The following PALD1 variants were observed in gnomAD, a reference collection of about 807,000 sequenced individuals.
PALD1 encodes phosphatase domain containing paladin 1.
Under a neutral mutation model 96.0 loss-of-function variants are expected in PALD1, and 57 were observed. The ratio of observed to expected loss-of-function variants is 0.59; its 90% CI spans 0.48 to 0.74. The LOEUF is 0.74. PALD1 is among the 30% of genes least tolerant of loss of function. The pLI, the probability that PALD1 is intolerant of heterozygous loss-of-function variation, is 0.00. For missense variants in PALD1, 1,063 were observed against 1,143.7 expected (o/e 0.93, Z 1.02); for synonymous variants, 464 against 473.6 (o/e 0.98, Z 0.26).
chr10:70,550,477 C>T (rs1400522337), intron 18 of PALD1, among the ~76,000 whole-genome samples: 6 of 152,158 alleles, frequency 3.9e-5, no homozygotes, highest in Admixed American at 6.5e-5. Flanking sequence ...ATACAATTCA[C>T]GATGTATACA....
chr10:70,483,104 A>T (rs944570861), intron 1 of PALD1, among the ~76,000 whole-genome samples: 1 of 151,984 alleles, frequency 6.6e-6, no homozygotes, highest in African/African-American at 2.4e-5. Context: ...TGGTTCTGTG[A>T]TGGGGTCTGT....
At chr10:70,542,194 C>A (rs979056417) in intron 17 of PALD1, among the ~76,000 whole-genome samples, 1 of 152,248 alleles carries the variant, frequency 6.6e-6, no homozygotes, top group Non-Finnish European at 1.5e-5. Context: ...TTGCTAAGCT[C>A]TTGCAGCCTT....
At chr10:70,558,934 G>A (rs1004415556) in intron 18 of PALD1, among the ~76,000 whole-genome samples, 6 of 152,112 alleles carry the variant, frequency 3.9e-5, no homozygotes, top group Non-Finnish European at 8.8e-5. Context: ...TGATAATGCC[G>A]AGGTTGCAGT....
At chr10:70,480,652 GTGCTCA>G (rs1347696409) in intron 1 of PALD1, among the ~76,000 whole-genome samples, 2 of 152,252 alleles carry the variant, frequency 1.3e-5, no homozygotes, top group Non-Finnish European at 1.5e-5. Flanking sequence ...AGGTGGCAGT[GTGCTCA>G]TGCTCGTGGC....
At chr10:70,527,326 GC>G (rs1846888882) in intron 2 of PALD1, among the ~76,000 whole-genome samples, 1 of 152,212 alleles carries the variant, frequency 6.6e-6, no homozygotes, top group African/African-American at 2.4e-5. Flanking sequence ...TGTGCTTAGG[GC>G]CTGGAGCCAG....
At chr10:70,556,976 T>G (rs575367460) in intron 18 of PALD1, among the ~76,000 whole-genome samples, 3 of 152,146 alleles carry the variant, frequency 2.0e-5, no homozygotes, top group Non-Finnish European at 4.4e-5. Context: ...GTCTTTCTAG[T>G]GAGTGGATGG....
upstream of PALD1, among the ~76,000 whole-genome samples, chr10:70,478,261 A>G (rs975465003): frequency 5.9e-5 from 9 of 152,310 alleles, no homozygotes; most frequent in Non-Finnish European, 1.2e-4. Flanking sequence ...GTGGGAGGCA[A>G]AAGTGCAGAG....
chr10:70,521,968 A>G (rs1226761721), intron 1 of PALD1, among the ~76,000 whole-genome samples: 2 of 152,168 alleles, frequency 1.3e-5, no homozygotes, highest in Non-Finnish European at 2.9e-5. Flanking sequence ...AAATACTTAA[A>G]CACATTGCGT....
At chr10:70,492,853 A>T (rs922356701) in intron 1 of PALD1, among the ~76,000 whole-genome samples, 1 of 152,210 alleles carries the variant, frequency 6.6e-6, no homozygotes, top group Non-Finnish European at 1.5e-5. Flanking sequence ...ATTTTATGGT[A>T]TGTGAATTAT....
At chr10:70,470,819 G>C in the PALD1 span, among the ~76,000 whole-genome samples, 1 of 150,660 alleles carries the variant, frequency 6.6e-6, no homozygotes, top group South Asian at 2.1e-4. Flanking sequence ...TTTATTTTTT[G>C]AGGTGGAGTT....
intron 1 of PALD1, among the ~76,000 whole-genome samples, chr10:70,504,353 C>G (rs1335853289): frequency 6.6e-6 from 1 of 152,106 alleles, no homozygotes; most frequent in Non-Finnish European, 1.5e-5. Flanking sequence ...ATAGTGAAAC[C>G]CTGTCTCTAC....
chr10:70,559,905 G>C (rs751619833), intron 18 of PALD1, among the ~76,000 whole-genome samples: 1 of 152,180 alleles, frequency 6.6e-6, no homozygotes, highest in Non-Finnish European at 1.5e-5. Context: ...ACTAGAAGCT[G>C]TGAGCCAGGA....
chr10:70,537,400 A>G (rs1469191223), intron 10 of PALD1, among the ~76,000 whole-genome samples: 1 of 152,196 alleles, frequency 6.6e-6, no homozygotes, highest in East Asian at 1.9e-4. Context: ...CACCGCACCC[A>G]GCCAGGTTCC....
chr10:70,549,346 T>G (rs1847432270), intron 18 of PALD1, among the ~76,000 whole-genome samples: 1 of 152,238 alleles, frequency 6.6e-6, no homozygotes, highest in African/African-American at 2.4e-5. Flanking sequence ...GGATGCCTGC[T>G]TCAGAGCATC....
intron 15 of PALD1, 96 bp from the exon 16 acceptor site, chr10:70,541,006 G>A (rs1847230973): frequency 1.5e-6 from 2 of 1,370,144 alleles, no homozygotes; most frequent in Admixed American, 4.7e-5. Context: ...TCTGGCCCGA[G>A]GACAGTGGCT....
chr10:70,511,508 T>G (rs1846516663), intron 1 of PALD1, among the ~76,000 whole-genome samples: 1 of 152,248 alleles, frequency 6.6e-6, no homozygotes, highest in Non-Finnish European at 1.5e-5. Context: ...GTCCCTGTCT[T>G]AGTCCATTTT....
intron 1 of PALD1, among the ~76,000 whole-genome samples, chr10:70,491,833 GAATCATGT>G (rs1589171596): frequency 6.6e-6 from 1 of 152,260 alleles, no homozygotes; most frequent in East Asian, 1.9e-4. Context: ...CATGTAAGGG[GAATCATGT>G]AATATGTGAC....
chr10:70,566,032 G>A (rs938578218), intron 19 of PALD1, among the ~76,000 whole-genome samples: 37 of 152,184 alleles, frequency 2.4e-4, no homozygotes, highest in Admixed American at 3.9e-4. Flanking sequence ...AGAGCGGGAC[G>A]GACCCATTCC....
chr10:70,540,153 TTC>T lies in PALD1; in HGVS notation c.1908+393_1908+394del, dbSNP rs1390634486. Among the ~76,000 whole-genome samples, 3 of 151,774 alleles carry T rather than the reference TTC, an allele frequency of 2.0e-5. No individual in the cohort carries two copies. The highest frequency in any genetic ancestry group is 7.3e-5 in the African/African-American group (3 of 41,368). On this transcript the variant is annotated intron_variant, in intron 15 of 19. Coordinates refer to ENST00000263563, the MANE Select transcript of PALD1 (RefSeq NM_014431.3). The surrounding 1 kb of genome is among the most constrained non-coding windows in gnomAD (Gnocchi z 4.2). ...TGTGTGTTATCGGGGTGTGTGTGTA[TTC>T]TGTTACAGGTGTGTGTGTGTATTTG... is the stretch of plus-strand genomic sequence containing the variant.
Sources: gnomAD v4.1 joint callset for allele counts (sites outside exome capture counted in the v4.1 genomes callset) on GRCh38, gnomAD v4.1.1 for gene constraint, Gnocchi (gnomAD v3.1) non-coding constraint, MANE v1.5 for transcripts, NCBI Gene and HGNC (gene_info 2026-07-23, HGNC 2026-07-21) for gene names.